The following ARHGAP33 variants were observed in gnomAD, a reference collection of about 807,000 sequenced individuals.
ARHGAP33 encodes the protein Rho GTPase activating protein 33.
ARHGAP33 carries 57 observed loss-of-function variants against 126.2 expected under a neutral mutation model. That is an observed-to-expected ratio of 0.45 (90% CI 0.36 to 0.56). ARHGAP33 has a LOEUF of 0.56. ARHGAP33 is among the 20% of genes least tolerant of loss of function. The pLI is 0.00. For missense variants in ARHGAP33, 1,500 were observed against 1,748.3 expected (o/e 0.86, Z 2.53); for synonymous variants, 711 against 755.0 (o/e 0.94, Z 0.95).
chr19:35,778,911 C>A, intron 5 of ARHGAP33, 121 bp from the exon 6 acceptor site: 1 of 864,364 alleles, frequency 1.2e-6, no homozygotes, highest in South Asian at 1.6e-5. Context: ...TACCTAACAG[C>A]TGAGCAGCAC....
intron 15 of ARHGAP33, among the ~76,000 whole-genome samples, chr19:35,783,789 C>T (rs983063932): frequency 6.6e-6 from 1 of 151,858 alleles, no homozygotes; most frequent in African/African-American, 2.4e-5. Flanking sequence ...CAGGTGGTCT[C>T]AGGCTCCCTC....
At position 35,780,647 on chromosome 19, in the gene ARHGAP33, G is replaced by A. The variant is rs201597648; in HGVS notation, c.768G>A (p.Ala256=). The A allele has an allele frequency of 4.4e-5, 71 of 1,608,672 alleles. No individual in the cohort carries two copies. Among genetic ancestry groups the A allele is most frequent in the African/African-American group, 1.9e-4 (14 of 74,726 alleles). Reference sequence around the variant, plus strand: ...AGCGGCCAGGTCCGGGCCTGAAGGCGGGTAAGTGCCATGGATGGATGGGAG... The same window carrying A: ...AGCGGCCAGGTCCGGGCCTGAAGGCAGGTAAGTGCCATGGATGGATGGGAG... ...FTERPGPGLK[A]DADGPPCGIP... The change falls in exon 9 of 21, where the codon GCG becomes GCA. Residue 256 remains alanine, a splice_region_variant and synonymous_variant. Transcript: ENST00000007510.
Position 35,784,997 on chromosome 19 carries a change from C to A in ARHGAP33, c.1612C>A (p.Pro538Thr). The A allele has an allele frequency of 6.5e-7, 1 of 1,547,426 alleles. No homozygotes were observed. Among genetic ancestry groups the A allele is most frequent in the Non-Finnish European group, 8.7e-7 (1 of 1,146,932 alleles). Reference protein sequence around the residue: ...PRPKSLAGSCPSTRLLTLEEA... With the variant: ...PRPKSLAGSCTSTRLLTLEEA... Reference sequence around the variant, plus strand: ...GCCCAAGTCCCTTGCGGGCAGCTGCCCCTCCACCCGCCTGCTGACGCTGGA... The same window carrying A: ...GCCCAAGTCCCTTGCGGGCAGCTGCACCTCCACCCGCCTGCTGACGCTGGA... The change falls in exon 17 of 21, where the codon CCC becomes ACC. Residue 538 changes from proline to threonine, a missense_variant. Physicochemically the swap from Pro to Thr is conservative, Grantham distance 38. Around this residue, in one of 6 missense-constraint regions of ARHGAP33, gnomAD observed 300 missense variants for 291.1 expected, o/e 1.03. Coordinates refer to ENST00000007510, the MANE Select transcript of ARHGAP33 (RefSeq NM_001366178.1).
Position 35,786,440 on chromosome 19 carries a change from G to A in ARHGAP33, c.1970G>A (p.Arg657Gln), listed in dbSNP as rs773950859. 29 of 1,534,888 alleles carry A rather than the reference G, an allele frequency of 1.9e-5. No individual in the cohort carries two copies. Among genetic ancestry groups the A allele is most frequent in the African/African-American group, 1.4e-5 (1 of 72,946 alleles). ...CTCCAGAGGCTGCACAGGCTGCGGC[G>A]ACCCCACTCCAGCAGCGACGCTTTC... ...AGLQRLHRLR[R>Q]PHSSSDAFPV... The change falls in exon 20 of 21, where the codon CGA becomes CAA. Residue 657 changes from arginine to glutamine, a missense_variant. Arg to Gln is a conservative substitution (Grantham distance 43, BLOSUM62 1). Transcript: ENST00000007510. This position sits in a 1 kb window ranked among gnomAD's most constrained non-coding sequence, Gnocchi z 7.0.
rs1971831620 is a variant in ARHGAP33, at chr19:35,782,243, C to T, written c.1086-130C>T. ...CAGTAAGGTTCTGCCTCTGAAGAGCCCAGTGTAGGACCTGGGGAAGAGGGT... is the reference window on the plus strand; with the variant it reads ...CAGTAAGGTTCTGCCTCTGAAGAGCTCAGTGTAGGACCTGGGGAAGAGGGT... On this transcript the variant is annotated intron_variant, in intron 12 of 20. Coordinates refer to ENST00000007510, the MANE Select transcript of ARHGAP33 (RefSeq NM_001366178.1). The surrounding 1 kb of genome is among the most constrained non-coding windows in gnomAD (Gnocchi z 4.1). 7.3e-5 allele frequency: 76 copies of T among 1,034,904 alleles called. No homozygotes were observed. In the South Asian group the frequency reaches 1.1e-3, roughly 16 times the overall value. 64.1% of individuals were successfully genotyped at this position (1,034,904 alleles called of 1,614,324 possible).
chr19:35,782,422 C>T lies in ARHGAP33; in HGVS notation c.1135C>T (p.Leu379=), dbSNP rs766179185. Residue 379 remains leucine, a synonymous_variant, in exon 13 of 21, where the codon CTG becomes TTG. Coordinates refer to ENST00000007510, the MANE Select transcript of ARHGAP33 (RefSeq NM_001366178.1). This position sits in a 1 kb window ranked among gnomAD's most constrained non-coding sequence, Gnocchi z 4.1. ...RIPELSGPAF[L]QDIHSVSSLC... is the part of the protein sequence containing the mutation. ...CCCGGAGCTGTCTGGCCCTGCATTC[C>T]TGCAGGACATCCACAGCGTGTCCTC... 1 of 1,612,822 alleles carries T rather than the reference C, an allele frequency of 6.2e-7. No individual in the cohort carries two copies.
At position 35,777,866 on chromosome 19, in the gene ARHGAP33, C is replaced by T. The variant is rs754749619; in HGVS notation, c.147C>T (p.Cys49=). ...PRGPFPRLAD[C]AHFHYENVDF... is the part of the protein sequence containing the mutation. ...GCCCCTTCCCGCGGCTGGCTGACTG[C>T]GCCCATTTCCACTACGAGAACGTTG... The change falls in exon 3 of 21, where the codon TGC becomes TGT. Residue 49 remains cysteine (C), a synonymous_variant. Coordinates refer to ENST00000007510, the MANE Select transcript of ARHGAP33 (RefSeq NM_001366178.1). 1.1e-5 allele frequency: 17 copies of T among 1,614,086 alleles called. No homozygotes were observed. The highest frequency in any genetic ancestry group is 8.3e-5 in the Admixed American group (5 of 60,008).
rs1430045590 is a variant in ARHGAP33, at chr19:35,785,446, G to A, written c.1905G>A (p.Lys635=). The part of the protein sequence containing the change: ...RPDTVTLRSA[K]SEESLSSQAS... ...ACACCGTCACACTGAGATCTGCCAA[G>A]AGCGAGGAGTCTCTGTCATCGCAGG... The change falls in exon 19 of 21, where the codon AAG becomes AAA. Residue 635 remains lysine (K), a synonymous_variant. Coordinates refer to ENST00000007510, the MANE Select transcript of ARHGAP33 (RefSeq NM_001366178.1). The A allele has an allele frequency of 1.2e-6, 2 of 1,614,078 alleles. No homozygotes were observed. Among genetic ancestry groups the A allele is most frequent in the Admixed American group, 1.7e-5 (1 of 60,004 alleles).
At position 35,782,245 on chromosome 19, in the gene ARHGAP33, A is replaced by G; in HGVS notation, c.1086-128A>G. The G allele has an allele frequency of 1.9e-6, 2 of 1,052,656 alleles. No homozygotes were observed. The highest frequency in any genetic ancestry group is 2.8e-6 in the Non-Finnish European group (2 of 719,698). 65.2% of individuals were successfully genotyped at this position (1,052,656 alleles called of 1,614,324 possible). On this transcript the variant is annotated intron_variant, in intron 12 of 20. Transcript: ENST00000007510. The surrounding 1 kb of genome is among the most constrained non-coding windows in gnomAD (Gnocchi z 4.1). ...GTAAGGTTCTGCCTCTGAAGAGCCC[A>G]GTGTAGGACCTGGGGAAGAGGGTTC...
Position 35,777,834 on chromosome 19 carries a change from C to A in ARHGAP33, c.115C>A (p.Pro39Thr). Residue 39 changes from proline to threonine, a missense_variant, in exon 3 of 21, where the codon CCT (proline) becomes ACT (threonine). This residue lies in a region of ARHGAP33 where 129 missense variants were observed against 145.9 expected (regional missense o/e 0.88). Transcript: ENST00000007510. ...KGKPGKRLSA[P>T]RGPFPRLADC... is the part of the protein sequence containing the mutation. ...TCCCCTGTCTCCCAGGCTCTCAGCT[C>A]CTCGAGGCCCCTTCCCGCGGCTGGC... 6.2e-7 allele frequency: 1 copy of A among 1,614,226 alleles called. No homozygotes were observed. Among genetic ancestry groups the A allele is most frequent in the South Asian group, 1.1e-5 (1 of 91,090 alleles).
At position 35,779,218 on chromosome 19, in the gene ARHGAP33, G is replaced by C. The variant is rs983693962; in HGVS notation, c.501+94G>C. On this transcript the variant is annotated intron_variant, in intron 6 of 20. Coordinates refer to ENST00000007510, the MANE Select transcript of ARHGAP33 (RefSeq NM_001366178.1). ...TCGGTGTGTGTGTGGGCATAGAAAA[G>C]AAAGGAGCCAGAGTGGAGGAGGCGT... 7.1e-6 allele frequency: 7 copies of C among 991,550 alleles called. No individual in the cohort carries two copies. In the African/African-American group the frequency reaches 1.1e-4, roughly 16 times the overall value. 61.4% of individuals were successfully genotyped at this position (991,550 alleles called of 1,614,324 possible). A position where few individuals can be genotyped will look rare whatever the true frequency, so the allele number is the denominator to read the frequency against.
chr19:35,787,650 ACCCCCGGCTTCTT>A lies in ARHGAP33; in HGVS notation c.3087_3099del (p.Gly1031GlnfsTer138). 2 of 1,590,644 alleles carry A rather than the reference ACCCCCGGCTTCTT, an allele frequency of 1.3e-6. No homozygotes were observed. The highest frequency in any genetic ancestry group is 1.7e-6 in the Non-Finnish European group (2 of 1,173,458). ...ATGTTCTGTCCCCTCACAGGTTCCT[ACCCCCGGCTTCTT>A]CTCCCCAGCCCCCAGGGAGTGCCTG... On this transcript the variant is annotated frameshift_variant, in exon 21 of 21. Transcript: ENST00000007510. LOFTEE classifies it high-confidence loss of function.
chr19:35,780,110 A>C (rs1971673445), intron 6 of ARHGAP33, 101 bp from the exon 7 acceptor site: 1 of 1,498,238 alleles, frequency 6.7e-7, no homozygotes, highest in South Asian at 1.2e-5. Context: ...GGGGCTCTTG[A>C]CGGGGGCGGG....
At chr19:35,777,505 C>G in intron 1 of ARHGAP33, 140 bp from the exon 2 acceptor site, 2 of 696,564 alleles carry the variant, frequency 2.9e-6, no homozygotes, top group Non-Finnish European at 5.0e-6. Flanking sequence ...GCCCTCACCT[C>G]CCCCGACCTG....
rs745495013 is a variant in ARHGAP33 at position 35,784,220 on chromosome 19, G to A, written c.1470G>A (p.Arg490=). 6.2e-7 allele frequency: 1 copy of A among 1,612,138 alleles called. No individual in the cohort carries two copies. The highest frequency in any genetic ancestry group is 8.5e-7 in the Non-Finnish European group (1 of 1,178,894). Reference sequence around the variant, plus strand: ...GAATGGGTGGCGCGGCGGCGTTCCGGGAAGTTCGGGTGCAGTCGGTGGTGG... The same window carrying A: ...GAATGGGTGGCGCGGCGGCGTTCCGAGAAGTTCGGGTGCAGTCGGTGGTGG... ...SVGMGGAAAF[R]EVRVQSVVVE... is the part of the protein sequence containing the mutation. The change falls in exon 16 of 21, where the codon CGG becomes CGA. Residue 490 remains arginine (R), a synonymous_variant. Coordinates refer to ENST00000007510, the MANE Select transcript of ARHGAP33 (RefSeq NM_001366178.1).
In ARHGAP33 at chr19:35,782,713, G is replaced by A. The variant is rs767127674; in HGVS notation, c.1313+34G>A. The A allele has an allele frequency of 6.2e-7, 1 of 1,610,516 alleles. No individual in the cohort carries two copies. The highest frequency in any genetic ancestry group is 1.7e-5 in the Admixed American group (1 of 59,572). On this transcript the variant is annotated intron_variant, in intron 14 of 20. Coordinates refer to ENST00000007510, the MANE Select transcript of ARHGAP33 (RefSeq NM_001366178.1). This position sits in a 1 kb window ranked among gnomAD's most constrained non-coding sequence, Gnocchi z 4.1. ...GGAGGGGCAGGGCGGGACTTGGTGGGATTCCAAGGGGGTTGAGGCTCAGGT... is the reference window on the plus strand; with the variant it reads ...GGAGGGGCAGGGCGGGACTTGGTGGAATTCCAAGGGGGTTGAGGCTCAGGT...
In ARHGAP33 at chr19:35,782,477, C is replaced by T. The variant is rs779160261; in HGVS notation, c.1190C>T (p.Pro397Leu). ...SLCKLYFREL[P>L]NPLLTYQLYG... is the part of the protein sequence containing the mutation. ...TGCAAGCTCTACTTCCGAGAGCTTC[C>T]GAACCCTCTGCTCACCTACCAGCTC... Residue 397 changes from proline to leucine, a missense_variant, in exon 13 of 21, where the codon CCG becomes CTG. Around this residue, in one of 6 missense-constraint regions of ARHGAP33, gnomAD observed 281 missense variants for 413.7 expected, o/e 0.68. Coordinates refer to ENST00000007510, the MANE Select transcript of ARHGAP33 (RefSeq NM_001366178.1). This position sits in a 1 kb window ranked among gnomAD's most constrained non-coding sequence, Gnocchi z 4.1. 3.7e-6 allele frequency: 6 copies of T among 1,613,524 alleles called. No individual in the cohort carries two copies. Among genetic ancestry groups the T allele is most frequent in the East Asian group, 2.2e-5 (1 of 44,856 alleles).
Position 35,786,528 on chromosome 19 carries a change from CTCCTCCTCTGAGTCCTCCTCT to C in ARHGAP33, c.2076_2096del (p.Ser693_Ser699del), listed in dbSNP as rs758258172. ...TGTCCTCGTCCTCCTCCTCCGAGTC[CTCCTCCTCTGAGTCCTCCTCT>C]TCCTCCTCTGAGTCCTCAGCAGCTG... On this transcript the variant is annotated inframe_deletion, in exon 20 of 21. Coordinates refer to ENST00000007510, the MANE Select transcript of ARHGAP33 (RefSeq NM_001366178.1). This position sits in a 1 kb window ranked among gnomAD's most constrained non-coding sequence, Gnocchi z 7.0. 9.1e-6 allele frequency: 14 copies of C among 1,535,994 alleles called. No individual in the cohort carries two copies. Among genetic ancestry groups the C allele is most frequent in the African/African-American group, 2.7e-5 (2 of 73,020 alleles).
At chr19:35,783,827 G>T (rs1240964777) in intron 15 of ARHGAP33, among the ~76,000 whole-genome samples, 1 of 151,796 alleles carries the variant, frequency 6.6e-6, no homozygotes, top group Non-Finnish European at 1.5e-5. Flanking sequence ...ATACTTTAGG[G>T]TGGGGACCGG....
Sources: gnomAD v4.1 joint callset for allele counts (sites outside exome capture counted in the v4.1 genomes callset) on GRCh38, gnomAD v4.1.1 for gene constraint, gnomAD v4.1.1 regional missense constraint, Gnocchi (gnomAD v3.1) non-coding constraint, MANE v1.5 for transcripts, NCBI Gene and HGNC (gene_info 2026-07-23, HGNC 2026-07-21) for gene names.